Variants in DOCK1 observed in about 807,000 individuals in gnomAD.
DOCK1 encodes the protein dedicator of cytokinesis protein 1.
Under a neutral mutation model 262.7 loss-of-function variants are expected in DOCK1, and 138 were observed. The ratio of observed to expected loss-of-function variants is 0.53; its 90% CI spans 0.46 to 0.61. The LOEUF (loss-of-function observed/expected upper bound fraction) is 0.61. Ranked by LOEUF, DOCK1 falls within the 20% of genes least tolerant of loss-of-function variation. DOCK1 has a pLI of 0.00. For missense variants in DOCK1, 1,908 were observed against 2,370.7 expected, an observed-to-expected ratio of 0.80 and a Z score of 4.05; for synonymous variants, 866 against 867.4, an observed-to-expected ratio of 1.00 and a Z score of 0.03.
At chr10:127,107,726 C>T (rs2136228923) in intron 24 of DOCK1, among the ~76,000 whole-genome samples, 1 of 152,278 alleles carries the variant, frequency 6.6e-6, no homozygotes, top group Admixed American at 6.5e-5. Context: ...TTGATTTTAA[C>T]AACCTCCCTC....
intron 1 of DOCK1, among the ~76,000 whole-genome samples, chr10:126,949,186 T>C (rs1179524584): frequency 4.6e-5 from 7 of 151,940 alleles, no homozygotes; most frequent in Admixed American, 3.3e-4. Context: ...TTCCCGAAGG[T>C]GTTTATTGAA....
intron 16 of DOCK1, among the ~76,000 whole-genome samples, chr10:127,028,571 G>A (rs1024628106): frequency 6.6e-6 from 1 of 152,160 alleles, no homozygotes; most frequent in South Asian, 2.1e-4. Context: ...CCTTGTGCCC[G>A]AGCCTTATGC....
intron 27 of DOCK1, among the ~76,000 whole-genome samples, chr10:127,157,650 A>ATC (rs1373161877): frequency 6.6e-6 from 1 of 152,172 alleles, no homozygotes; most frequent in East Asian, 1.9e-4. Flanking sequence ...TTGGAGACAT[A>ATC]TCTGTGGTCA....
intron 27 of DOCK1, among the ~76,000 whole-genome samples, chr10:127,244,485 TTA>T (rs1173275842): frequency 6.6e-6 from 1 of 152,176 alleles, no homozygotes; most frequent in African/African-American, 2.4e-5. Context: ...TTTAAAAAGG[TTA>T]TAGCAATTTA....
At chr10:126,999,531 G>GCA in intron 9 of DOCK1, 96 bp downstream of exon 9, 1 of 1,015,528 alleles carries the variant, frequency 9.8e-7, no homozygotes, top group Non-Finnish European at 1.5e-6. Context: ...TAGAACATGG[G>GCA]TCCCTGGGAT....
chr10:126,919,857 A>T (rs2134091378), intron 1 of DOCK1, among the ~76,000 whole-genome samples: 1 of 152,220 alleles, frequency 6.6e-6, no homozygotes, highest in African/African-American at 2.4e-5. Context: ...TCCCTGGCAC[A>T]CCTTGCCGTA....
chr10:126,948,709 G>A (rs2035859876), intron 1 of DOCK1, among the ~76,000 whole-genome samples: 1 of 151,988 alleles, frequency 6.6e-6, no homozygotes, highest in African/African-American at 2.4e-5. Flanking sequence ...AGCCTGTGAT[G>A]CGGGCGCCCA....
At chr10:126,978,472 A>G (rs886276633) in intron 3 of DOCK1, among the ~76,000 whole-genome samples, 1 of 152,194 alleles carries the variant, frequency 6.6e-6, no homozygotes, top group Non-Finnish European at 1.5e-5. Context: ...AGCAGTTTGC[A>G]TGAGTGGTTG....
intron 27 of DOCK1, chr10:127,137,231 A>C (rs1375012687): frequency 6.6e-6 from 1 of 152,620 alleles, no homozygotes; most frequent in Non-Finnish European, 1.5e-5. Context: ...TGTGACACTG[A>C]GATGTGGTCA....
chr10:127,301,453 C>T (rs2061676225), intron 29 of DOCK1, among the ~76,000 whole-genome samples: 1 of 152,148 alleles, frequency 6.6e-6, no homozygotes, highest in African/African-American at 2.4e-5. Context: ...CTAACCGCTT[C>T]TTTTGGTGGA....
chr10:127,288,563 T>G (rs1339062717), intron 29 of DOCK1, among the ~76,000 whole-genome samples: 4 of 152,086 alleles, frequency 2.6e-5, no homozygotes, highest in Non-Finnish European at 5.9e-5. Flanking sequence ...GAATTCATAC[T>G]ATATTTGCAT....
At chr10:127,140,291 A>T (rs1024180468) in intron 27 of DOCK1, among the ~76,000 whole-genome samples, 1 of 152,080 alleles carries the variant, frequency 6.6e-6, no homozygotes, top group African/African-American at 2.4e-5. Flanking sequence ...TAACAAAATG[A>T]CTCGACTTTA....
intron 27 of DOCK1, among the ~76,000 whole-genome samples, chr10:127,155,640 C>A (rs1038049581): frequency 3.9e-5 from 6 of 152,156 alleles, no homozygotes; most frequent in Non-Finnish European, 7.4e-5. Context: ...TCATGGCAAG[C>A]CCCAAGAATG....
At chr10:127,282,237 G>C (rs374869501) in intron 29 of DOCK1, among the ~76,000 whole-genome samples, 82 of 151,260 alleles carry the variant, frequency 5.4e-4, no homozygotes, top group African/African-American at 2.0e-3. Flanking sequence ...CTCTCTCTCT[G>C]TCTGTCTCTT....
At chr10:127,004,086 C>T (rs2040807959) in intron 10 of DOCK1, among the ~76,000 whole-genome samples, 1 of 151,782 alleles carries the variant, frequency 6.6e-6, no homozygotes, top group Admixed American at 6.6e-5. Flanking sequence ...AACCCTGTCT[C>T]TACTAAAGAT....
chr10:127,355,351 A>G (rs1188620827), intron 32 of DOCK1, among the ~76,000 whole-genome samples: 1 of 152,184 alleles, frequency 6.6e-6, no homozygotes, highest in African/African-American at 2.4e-5. Context: ...GAAATCAATG[A>G]CTGACAATAA....
intron 29 of DOCK1, among the ~76,000 whole-genome samples, chr10:127,295,608 C>T (rs2135396880): frequency 6.6e-6 from 1 of 152,084 alleles, no homozygotes; most frequent in Non-Finnish European, 1.5e-5. Flanking sequence ...ATTGTTTGAG[C>T]CCAGGAATTT....
chr10:126,963,317 C>A (rs893693669), intron 1 of DOCK1, among the ~76,000 whole-genome samples: 55,987 of 151,928 alleles, frequency 0.37, 10,794 homozygotes, highest in East Asian at 0.62. Context: ...TATTAAGTCT[C>A]CCACTCCATG....
chr10:127,161,175 C>G (rs2053561692), intron 27 of DOCK1, among the ~76,000 whole-genome samples: 1 of 152,158 alleles, frequency 6.6e-6, no homozygotes, highest in African/African-American at 2.4e-5. Flanking sequence ...CTGTTTACAG[C>G]TAAAGTGGAT....
Sources: gnomAD v4.1 joint callset for allele counts (sites outside exome capture counted in the v4.1 genomes callset) on GRCh38, gnomAD v4.1.1 for gene constraint, MANE v1.5 for transcripts, NCBI Gene and HGNC (gene_info 2026-07-23, HGNC 2026-07-21) for gene names.